The following STXBP6 variants were observed in gnomAD, a reference collection of about 807,000 sequenced individuals.
STXBP6 encodes the protein syntaxin binding protein 6.
Under a neutral mutation model 26.9 loss-of-function variants are expected in STXBP6, and 21 were observed. The observed-to-expected ratio is 0.78, with a 90% confidence interval of 0.55 to 1.12. The LOEUF is 1.12. STXBP6 is among the 50% of genes most tolerant of loss of function. STXBP6 has a pLI of 0.00. For synonymous variants in STXBP6, 97 were observed against 92.6 expected (o/e 1.05, Z -0.27); for missense variants, 232 against 257.9 (o/e 0.90, Z 0.69).
chr14:25,025,413 T>C (rs1368888297), intron 1 of STXBP6, among the ~76,000 whole-genome samples: 2 of 152,124 alleles, frequency 1.3e-5, no homozygotes, highest in Admixed American at 6.5e-5. Context: ...TCAAATGGAA[T>C]ACTGGAAGTC....
chr14:24,928,533 T>C (rs546846986), intron 2 of STXBP6, among the ~76,000 whole-genome samples: 12 of 152,340 alleles, frequency 7.9e-5, no homozygotes, highest in African/African-American at 2.9e-4. Flanking sequence ...AACCTCATAC[T>C]GTGAAAACAA....
chr14:24,882,436 G>T (rs1280035849), intron 2 of STXBP6, among the ~76,000 whole-genome samples: 1 of 131,978 alleles, frequency 7.6e-6, no homozygotes, highest in African/African-American at 2.9e-5. Flanking sequence ...CCATACCTAA[G>T]GGACTTGGTC....
In STXBP6 at chr14:24,944,663, C is replaced by T. The variant is rs534779222; in HGVS notation, c.154+30002G>A. On this transcript the variant is annotated intron_variant, in intron 2 of 5. Coordinates refer to ENST00000323944, the MANE Select transcript of STXBP6 (RefSeq NM_001394410.1). ...GAGTTTTAAACCAAGGTCTTCGATC[C>T]GGGGCTCTCATCACTACACTAGACT... is the stretch of plus-strand genomic sequence containing the variant. Among the ~76,000 whole-genome samples the T allele has an allele frequency of 5.3e-5, 8 of 152,180 alleles. 1 individual carries two copies. In the South Asian group the frequency reaches 1.2e-3, roughly 24 times the overall value.
At chr14:24,874,785 C>T (rs1221828463) in intron 2 of STXBP6, among the ~76,000 whole-genome samples, 1 of 152,032 alleles carries the variant, frequency 6.6e-6, no homozygotes, top group African/African-American at 2.4e-5. Context: ...TTGCAGGGGT[C>T]CCAGCACTAC....
rs147213655 is a variant in STXBP6, at chr14:24,940,343, C to A, written c.154+34322G>T. On this transcript the variant is annotated intron_variant, in intron 2 of 5. Coordinates refer to ENST00000323944, the MANE Select transcript of STXBP6 (RefSeq NM_001394410.1). Reference sequence around the variant, plus strand: ...AGTATGATTGCTATATGAGAGAGGGCAAAATACAAGAATTGTGACTATACA... The same window carrying A: ...AGTATGATTGCTATATGAGAGAGGGAAAAATACAAGAATTGTGACTATACA... Among the ~76,000 whole-genome samples, 7 of 152,270 alleles carry A rather than the reference C, an allele frequency of 4.6e-5. No homozygotes were observed. The East Asian group carries it at 1.4e-3, about 29-fold the overall frequency.
intron 2 of STXBP6, among the ~76,000 whole-genome samples, chr14:24,884,226 A>G (rs2070485581): frequency 6.6e-6 from 1 of 152,242 alleles, no homozygotes; most frequent in South Asian, 2.1e-4. Flanking sequence ...CTTAAAAGGT[A>G]TACTAGAGAA....
At chr14:24,972,525 C>T (rs2073933435) in intron 2 of STXBP6, among the ~76,000 whole-genome samples, 1 of 152,192 alleles carries the variant, frequency 6.6e-6, no homozygotes, top group African/African-American at 2.4e-5. Context: ...CTTTCAACTA[C>T]TCATCTATAA....
chr14:24,891,191 A>G (rs1223663150), intron 2 of STXBP6, among the ~76,000 whole-genome samples: 1 of 152,188 alleles, frequency 6.6e-6, no homozygotes, highest in Non-Finnish European at 1.5e-5. Context: ...CTGAAAACAA[A>G]TTAGGAGAAG....
rs928282458 is a variant in STXBP6, at chr14:24,811,512, ATTATC to A, written c.*1192_*1196del. The stretch of plus-strand genomic sequence containing the variant: ...AGAACTTCTAGACCCTAAGCCCCTT[ATTATC>A]TTGAGTAATAGAAAATCACGAGGTG... On this transcript the variant is annotated 3_prime_UTR_variant, in exon 6 of 6. Coordinates refer to ENST00000323944, the MANE Select transcript of STXBP6 (RefSeq NM_001394410.1). 3 of 152,134 alleles carry A rather than the reference ATTATC, an allele frequency of 2.0e-5. No individual in the cohort carries two copies. Among genetic ancestry groups the A allele is most frequent in the African/African-American group, 7.2e-5 (3 of 41,422 alleles). 9.4% of individuals were successfully genotyped at this position (152,134 alleles called of 1,614,324 possible). A position where few individuals can be genotyped will look rare whatever the true frequency, so the allele number is the denominator to read the frequency against.
chr14:24,911,430 GGAAA>G (rs2071570811), intron 2 of STXBP6, among the ~76,000 whole-genome samples: 1 of 150,804 alleles, frequency 6.6e-6, no homozygotes, highest in African/African-American at 2.4e-5. Context: ...AGGAAAGGAA[GGAAA>G]GAAAGAAACC....
chr14:25,016,120 A>G (rs2140403549), intron 1 of STXBP6, among the ~76,000 whole-genome samples: 1 of 152,342 alleles, frequency 6.6e-6, no homozygotes, highest in African/African-American at 2.4e-5. Flanking sequence ...TGAGTGCCTA[A>G]CACCATGCAC....
chr14:25,004,559 C>T (rs72682971), intron 1 of STXBP6, among the ~76,000 whole-genome samples: 28,717 of 152,202 alleles, frequency 0.19, 3,000 homozygotes, highest in Middle Eastern at 0.25. Context: ...AACTAATATA[C>T]CTCTCAGCTC....
At chr14:24,980,929 T>C (rs10148603) in intron 1 of STXBP6, among the ~76,000 whole-genome samples, 2,409 of 152,336 alleles carry the variant, frequency 0.016, 60 homozygotes, top group African/African-American at 0.055. Flanking sequence ...GCCCAGGTCC[T>C]GCTCACAGAG....
Position 24,934,668 on chromosome 14 carries a change from G to A in STXBP6, c.154+39997C>T, listed in dbSNP as rs894755617. ...ACTAAGACTAAACAATTGTAGGAAG[G>A]AAGCATGTTTGCAGAATAGAATGTA... On this transcript the variant is annotated intron_variant, in intron 2 of 5. Transcript: ENST00000323944. Among the ~76,000 whole-genome samples, 3 of 152,128 alleles carry A rather than the reference G, an allele frequency of 2.0e-5. No homozygotes were observed. The East Asian group carries it at 5.8e-4, about 29-fold the overall frequency.
chr14:24,988,133 T>G (rs1450431458), intron 1 of STXBP6, among the ~76,000 whole-genome samples: 2 of 152,234 alleles, frequency 1.3e-5, no homozygotes, highest in African/African-American at 4.8e-5. Context: ...AATCACATAA[T>G]GCGGGGCCAA....
intron 1 of STXBP6, among the ~76,000 whole-genome samples, chr14:25,040,853 G>A (rs910889032): frequency 6.6e-6 from 1 of 152,148 alleles, no homozygotes; most frequent in Admixed American, 6.5e-5. Flanking sequence ...CAAGATTCCT[G>A]TTCCATCTTT....
chr14:25,002,531 T>G (rs1379340889), intron 1 of STXBP6, among the ~76,000 whole-genome samples: 1 of 151,966 alleles, frequency 6.6e-6, no homozygotes, highest in Non-Finnish European at 1.5e-5. Flanking sequence ...AGCTAATTTT[T>G]TGTATTTTTA....
chr14:24,938,033 G>A (rs1449667386), intron 2 of STXBP6, among the ~76,000 whole-genome samples: 1 of 152,162 alleles, frequency 6.6e-6, no homozygotes, highest in Non-Finnish European at 1.5e-5. Context: ...CTTTATATGG[G>A]GAAGAAAACC....
intron 2 of STXBP6, among the ~76,000 whole-genome samples, chr14:24,858,603 T>C (rs2069423784): frequency 6.6e-6 from 1 of 152,154 alleles, no homozygotes; most frequent in Non-Finnish European, 1.5e-5. Context: ...TAGTCTTCTA[T>C]TCACAAATAG....
Sources: allele counts gnomAD v4.1 joint callset (sites outside exome capture counted in the v4.1 genomes callset), GRCh38; gene constraint gnomAD v4.1.1; transcripts MANE v1.5; gene names NCBI Gene and HGNC (gene_info 2026-07-23, HGNC 2026-07-21).